SDK1: variants seen among roughly 807,000 people sequenced by gnomAD.
SDK1 encodes the protein sidekick cell adhesion molecule 1.
Under a neutral mutation model 245.5 loss-of-function variants are expected in SDK1, and 157 were observed. The observed-to-expected ratio is 0.64, with a 90% CI of 0.56 to 0.73. SDK1 has a LOEUF of 0.73. SDK1 is among the 30% of genes least tolerant of loss of function. The pLI, the probability that SDK1 is intolerant of heterozygous loss-of-function variation, is 0.00. For missense variants in SDK1, 3,583 were observed against 3,002.3 expected, an observed-to-expected ratio of 1.19 and a Z score of -4.52; for synonymous variants, 1,647 against 1,278.5, an observed-to-expected ratio of 1.29 and a Z score of -6.15.
intron 1 of SDK1, among the ~76,000 whole-genome samples, chr7:3,558,739 T>C (rs1779663096): frequency 6.6e-6 from 1 of 152,212 alleles, no homozygotes. Context: ...ATAAAAATAA[T>C]TTTCAAAGTA....
intron 4 of SDK1, among the ~76,000 whole-genome samples, chr7:3,766,958 A>G (rs946429015): frequency 6.6e-6 from 1 of 152,230 alleles, no homozygotes; most frequent in African/African-American, 2.4e-5. Flanking sequence ...AATGTTATAT[A>G]GAGCATTGGG....
At chr7:3,739,496 G>T (rs1779415214) in intron 4 of SDK1, among the ~76,000 whole-genome samples, 1 of 152,004 alleles carries the variant, frequency 6.6e-6, no homozygotes, top group Middle Eastern at 3.4e-3. Context: ...TTGTTCTTAG[G>T]ATTGAGTAAT....
intron 1 of SDK1, among the ~76,000 whole-genome samples, chr7:3,394,083 G>C (rs1437059080): frequency 6.6e-6 from 1 of 152,142 alleles, no homozygotes. Context: ...ACTTCTATAG[G>C]TACTGTCTTG....
chr7:3,582,410 C>T (rs531884900), intron 1 of SDK1, among the ~76,000 whole-genome samples: 1 of 148,272 alleles, frequency 6.7e-6, no homozygotes. Context: ...GTAGGTCTCC[C>T]TCAGGTAGGT....
At chr7:4,193,595 G>A (rs957875330) in intron 35 of SDK1, among the ~76,000 whole-genome samples, 2 of 151,478 alleles carry the variant, frequency 1.3e-5, no homozygotes, top group African/African-American at 2.4e-5. Flanking sequence ...ATTCTTTTTC[G>A]GTCCATGCCC....
intron 22 of SDK1, among the ~76,000 whole-genome samples, chr7:4,105,057 A>G (rs1348922945): frequency 6.6e-6 from 1 of 152,114 alleles, no homozygotes; most frequent in Non-Finnish European, 1.5e-5. Context: ...ATCTCAGCTC[A>G]CAGCAACCTC....
chr7:3,311,850 G>T (rs1361973151), intron 1 of SDK1, among the ~76,000 whole-genome samples: 1 of 152,182 alleles, frequency 6.6e-6, no homozygotes, highest in Non-Finnish European at 1.5e-5. Flanking sequence ...CAGAGCTAGG[G>T]CGTTAATCAG....
rs147260152 is a variant in SDK1, at chr7:3,695,108, C to T, written c.713+53003C>T. 3.0e-4 allele frequency among the ~76,000 whole-genome samples: 46 copies of T among 152,258 alleles called. No individual in the cohort carries two copies. The East Asian group carries it at 6.2e-3, about 20-fold the overall frequency. ...GATGTGAATTTTTTCTGTATTACTACATAAGTCACTCTTTCTTAATTGCTA... is the reference window on the plus strand; with the variant it reads ...GATGTGAATTTTTTCTGTATTACTATATAAGTCACTCTTTCTTAATTGCTA... On this transcript the variant is annotated intron_variant, in intron 4 of 44. Transcript: ENST00000404826.
intron 4 of SDK1, among the ~76,000 whole-genome samples, chr7:3,710,357 C>T (rs1392504027): frequency 6.6e-6 from 1 of 152,180 alleles, no homozygotes; most frequent in Admixed American, 6.5e-5. Context: ...TTCTTGTTGA[C>T]TGGTTATTCT....
At position 3,432,163 on chromosome 7, in the gene SDK1, T is replaced by TTA. The variant is rs141187637; in HGVS notation, c.298+130293_298+130294dup. Among the ~76,000 whole-genome samples the TTA allele has an allele frequency of 8.3e-3, 1,226 of 147,456 alleles. 11 individuals are homozygous for TTA. Among genetic ancestry groups the TTA allele is most frequent in the South Asian group, 0.02 (93 of 4,710 alleles). On this transcript the variant is annotated intron_variant, in intron 1 of 44. Coordinates refer to ENST00000404826, the MANE Select transcript of SDK1 (RefSeq NM_152744.4). Reference sequence around the variant, plus strand: ...TTTTATATTTAAAAAATATATATTTTTATATATATATATATCCCCATACCT... The same window carrying TTA: ...TTTTATATTTAAAAAATATATATTTTTATATATATATATATATCCCCATACCT...
At chr7:3,641,597 G>C (rs141224077) in intron 3 of SDK1, among the ~76,000 whole-genome samples, 28 of 152,322 alleles carry the variant, frequency 1.8e-4, no homozygotes, top group Middle Eastern at 3.4e-3. Flanking sequence ...GAGATGTCTG[G>C]ACACATTTTC....
chr7:3,943,363 T>TCCCCTCCCCCTCCCTTCCCCTCTCCCCTC (rs1475102556), intron 5 of SDK1, among the ~76,000 whole-genome samples: 5 of 84,208 alleles, frequency 5.9e-5, no homozygotes, highest in Admixed American at 1.1e-4. Flanking sequence ...TGCCTCCCCG[T>TCCCCTCCCCCTCCCTTCCCCTCTCCCCTC]CCCCTCCCTT....
At position 4,115,692 on chromosome 7, in the gene SDK1, C is replaced by T. The variant is rs923542255; in HGVS notation, c.3823+1418C>T. On this transcript the variant is annotated intron_variant, in intron 25 of 44. Transcript: ENST00000404826. ...GCCAGGGCCTGCCCACAGCTGTTTCCACCCCAGAGTCCTCGGAAATGCCCC... is the reference window on the plus strand; with the variant it reads ...GCCAGGGCCTGCCCACAGCTGTTTCTACCCCAGAGTCCTCGGAAATGCCCC... Among the ~76,000 whole-genome samples the T allele has an allele frequency of 2.0e-5, 3 of 152,312 alleles. No individual in the cohort carries two copies. The South Asian group carries it at 6.2e-4, about 32-fold the overall frequency.
At chr7:4,226,642 C>T (rs993086440) in intron 40 of SDK1, among the ~76,000 whole-genome samples, 7 of 152,174 alleles carry the variant, frequency 4.6e-5, no homozygotes, top group Admixed American at 2.6e-4. Context: ...CACCAGCTTC[C>T]ACCAGCATGG....
intron 1 of SDK1, among the ~76,000 whole-genome samples, chr7:3,344,496 C>G (rs1562428174): frequency 6.6e-6 from 1 of 152,074 alleles, no homozygotes; most frequent in Admixed American, 6.6e-5. Flanking sequence ...ATGTGCTTTG[C>G]TTATGTTGAT....
chr7:3,599,146 G>A (rs1781173298), intron 1 of SDK1, among the ~76,000 whole-genome samples: 1 of 116,416 alleles, frequency 8.6e-6, no homozygotes, highest in Non-Finnish European at 1.7e-5. Context: ...CGTTCTCGCT[G>A]TTTTTTACTG....
chr7:3,421,893 G>A (rs1232765109), intron 1 of SDK1, among the ~76,000 whole-genome samples: 1 of 152,150 alleles, frequency 6.6e-6, no homozygotes, highest in East Asian at 1.9e-4. Context: ...AAGTGGGCCA[G>A]ATGCAGTGGC....
chr7:3,914,179 G>A (rs1446679012), intron 5 of SDK1, among the ~76,000 whole-genome samples: 1 of 152,172 alleles, frequency 6.6e-6, no homozygotes, highest in African/African-American at 2.4e-5. Context: ...GTTCATTTAT[G>A]CCTTTATCAT....
At chr7:4,207,979 A>T in intron 36 of SDK1, 120 bp from the exon 37 acceptor site, 1 of 746,770 alleles carries the variant, frequency 1.3e-6, no homozygotes, top group Non-Finnish European at 2.3e-6. Context: ...CCACCTTCCC[A>T]CCCAGCACAG....
Sources: gnomAD v4.1 joint callset for allele counts (sites outside exome capture counted in the v4.1 genomes callset) on GRCh38, gnomAD v4.1.1 for gene constraint, MANE v1.5 for transcripts, NCBI Gene and HGNC (gene_info 2026-07-23, HGNC 2026-07-21) for gene names.